Variants in APC observed in about 807,000 individuals in gnomAD.
APC encodes the protein adenomatous polyposis coli protein.
Under a neutral mutation model 247.0 loss-of-function variants are expected in APC, and 72 were observed. The ratio of observed to expected loss-of-function variants is 0.29; its 90% CI spans 0.24 to 0.35. The LOEUF (loss-of-function observed/expected upper bound fraction) is 0.35, where lower values mean the gene tolerates loss of function less well. Among genes scored for constraint, APC ranks in the 10% least tolerant of loss-of-function variants. APC has a pLI of 1.00. For synonymous variants in APC, 1,254 were observed against 1,162.5 expected, an observed-to-expected ratio of 1.08 and a Z score of -1.60; for missense variants, 3,400 against 3,360.7, an observed-to-expected ratio of 1.01 and a Z score of -0.29.
chr5:112,827,962 G>A lies in APC; in HGVS notation c.1582G>A (p.Ala528Thr), dbSNP rs757157018. 6.2e-7 allele frequency: 1 copy of A among 1,613,174 alleles called. No individual in the cohort carries two copies. Among genetic ancestry groups the A allele is most frequent in the Non-Finnish European group, 8.5e-7 (1 of 1,179,928 alleles). ...ATGCTCTATGAAAGGCTGCATGAGA[G>A]CACTTGTGGCCCAACTAAAATCTGA... ...TLCSMKGCMR[A>T]LVAQLKSESE... is the part of the protein sequence containing the mutation. The change falls in exon 13 of 16, where the codon GCA (alanine) becomes ACA (threonine). Residue 528 changes from alanine to threonine, a missense_variant. Physicochemically the swap from Ala to Thr is moderately conservative, Grantham distance 58 (BLOSUM62 0). Transcript: ENST00000257430.
intron 1 of APC, among the ~76,000 whole-genome samples, chr5:112,744,472 G>T (rs1306271083): frequency 6.6e-6 from 1 of 152,140 alleles, no homozygotes; most frequent in African/African-American, 2.4e-5. Flanking sequence ...TTATGCTCCA[G>T]CTGGGAAGAC....
chr5:112,815,712 G>C, intron 9 of APC, 119 bp downstream of exon 9: 1 of 700,052 alleles, frequency 1.4e-6, no homozygotes, highest in Non-Finnish European at 2.4e-6. Flanking sequence ...AAGGCAGGTG[G>C]ATCACTTGAG....
At chr5:112,811,239 A>G (rs1347759249) in intron 8 of APC, among the ~76,000 whole-genome samples, 2 of 152,234 alleles carry the variant, frequency 1.3e-5, no homozygotes, top group African/African-American at 4.8e-5. Flanking sequence ...GAGTGCTTCT[A>G]TCTTTGGACA....
rs1762393288 is a variant in APC at position 112,815,405 on chromosome 5, C to G, written c.835-90C>G. ...ATGATGTATTTAATTGTTTATCATA[C>G]AGACACTTCATTTGGAGTACCTTAA... On this transcript the variant is annotated intron_variant, in intron 8 of 15. Coordinates refer to ENST00000257430, the MANE Select transcript of APC (RefSeq NM_000038.6). 3 of 904,802 alleles carry G rather than the reference C, an allele frequency of 3.3e-6. No homozygotes were observed. The East Asian group carries it at 7.9e-5, about 24-fold the overall frequency. The allele number at this position is 904,802 out of a possible 1,614,324, so 56.0% of individuals were successfully genotyped here. A position where few individuals can be genotyped will look rare whatever the true frequency, so the allele number is the denominator to read the frequency against.
chr5:112,726,856 A>G (rs1751810379), intron 1 of APC, among the ~76,000 whole-genome samples: 2 of 152,202 alleles, frequency 1.3e-5, no homozygotes, highest in South Asian at 4.1e-4. Context: ...GTAAATATGA[A>G]GTTTCAGTTT....
At chr5:112,757,675 C>G (rs538268209) in intron 2 of APC, among the ~76,000 whole-genome samples, 1 of 152,202 alleles carries the variant, frequency 6.6e-6, no homozygotes, top group Non-Finnish European at 1.5e-5. Context: ...AGAGCCAGAC[C>G]TGGTCTGTCT....
At chr5:112,729,718 C>G (rs890664535) in intron 1 of APC, among the ~76,000 whole-genome samples, 1 of 152,206 alleles carries the variant, frequency 6.6e-6, no homozygotes, top group African/African-American at 2.4e-5. Flanking sequence ...GGTCAGCTAA[C>G]TAATAAACTT....
rs774229223 is a variant in APC, at chr5:112,767,249, G to A, written c.281G>A (p.Arg94His). 6.2e-6 allele frequency: 10 copies of A among 1,613,966 alleles called. No homozygotes were observed. Among genetic ancestry groups the A allele is most frequent in the East Asian group, 2.2e-5 (1 of 44,886 alleles). The part of the protein sequence containing the change: ...GVKLRSKMSL[R>H]SYGSREGSVS... ...AAACTGCGGTCAAAAATGTCCCTCC[G>A]TTCTTATGGAAGCCGGGAAGGATCT... Residue 94 changes from arginine (R) to histidine (H), a missense_variant, in exon 4 of 16, where the codon CGT (arginine) becomes CAT (histidine). By Grantham distance (29) the Arg-to-His change is conservative (BLOSUM62 0). This residue lies in a region of APC where 372 missense variants were observed against 367.6 expected (regional missense o/e 1.01). Transcript: ENST00000257430.
rs376830465 is a variant in APC at position 112,726,413 on chromosome 5, C to T, written c.165+18531C>T. 1.3e-4 allele frequency among the ~76,000 whole-genome samples: 20 copies of T among 152,322 alleles called. No homozygotes were observed. In the East Asian group the frequency reaches 3.3e-3, roughly 25 times the overall value. ...GGCTATCCAGTAGGCAATTTCCTCT[C>T]TGACCATCCCCAGCCAAACTCCTCT... is the stretch of plus-strand genomic sequence containing the variant. On this transcript the variant is annotated intron_variant, in intron 1 of 13. Transcript: ENST00000507379.
chr5:112,818,844 TG>T, intron 9 of APC, 121 bp from the exon 10 acceptor site: 23 of 842,598 alleles, frequency 2.7e-5, no homozygotes, highest in African/African-American at 8.6e-5. Context: ...GTTTTTTTTT[TG>T]GCGGGGGGGG....
intron 1 of APC, among the ~76,000 whole-genome samples, chr5:112,741,264 C>A (rs188996022): frequency 7.9e-5 from 12 of 152,284 alleles, no homozygotes; most frequent in African/African-American, 2.9e-4. Flanking sequence ...TTTATATAAT[C>A]TAAGATATCC....
At chr5:112,739,279 ATACT>A (rs1752701667) in intron 1 of APC, among the ~76,000 whole-genome samples, 1 of 152,030 alleles carries the variant, frequency 6.6e-6, no homozygotes. Context: ...ATCTTTATGC[ATACT>A]TATAGTAGCC....
upstream of APC, among the ~76,000 whole-genome samples, chr5:112,736,260 A>C (rs908329285): frequency 2.0e-5 from 3 of 152,240 alleles, no homozygotes; most frequent in Non-Finnish European, 2.9e-5. Flanking sequence ...ATTTATTTCA[A>C]ATATGAAGGG....
Position 112,707,605 on chromosome 5 carries a change from A to C in APC, c.-113A>C, listed in dbSNP as rs1052992527. On this transcript the variant is annotated 5_prime_UTR_variant, in exon 1 of 14. Coordinates refer to the APC transcript ENST00000507379. ...CTGCTCGGGGGGGACCTGCGGGCTCAGGCCCGGGAGCTGCGGACCGAGGTT... is the reference window on the plus strand; with the variant it reads ...CTGCTCGGGGGGGACCTGCGGGCTCCGGCCCGGGAGCTGCGGACCGAGGTT... The C allele has an allele frequency of 2.6e-6, 3 of 1,167,536 alleles. No homozygotes were observed. Among genetic ancestry groups the C allele is most frequent in the South Asian group, 2.7e-5 (2 of 73,300 alleles). The allele number at this position is 1,167,536 out of a possible 1,614,324, so 72.3% of individuals were successfully genotyped here.
At position 112,840,474 on chromosome 5, in the gene APC, A is replaced by C. The variant is rs2149926338; in HGVS notation, c.4880A>C (p.Gln1627Pro). 2 of 1,614,154 alleles carry C rather than the reference A, an allele frequency of 1.2e-6. No individual in the cohort carries two copies. Among genetic ancestry groups the C allele is most frequent in the Non-Finnish European group, 1.7e-6 (2 of 1,180,006 alleles). The stretch of plus-strand genomic sequence containing the variant: ...CCATCACAAAACAGGTTGCAACCCC[A>C]AAAGCATGTTAGTTTTACACCGGGG... ...LLPSQNRLQP[Q>P]KHVSFTPGDD... The change falls in exon 16 of 16, where the codon CAA becomes CCA. Residue 1627 changes from glutamine to proline, a missense_variant. By Grantham distance (76) the Gln-to-Pro change is moderately conservative (BLOSUM62 -1). This residue lies in a region of APC where 1,788 missense variants were observed against 1,649.5 expected (regional missense o/e 1.08). Coordinates refer to ENST00000257430, the MANE Select transcript of APC (RefSeq NM_000038.6). This position sits in a 1 kb window ranked among gnomAD's most constrained non-coding sequence, Gnocchi z 4.1.
At position 112,814,835 on chromosome 5, in the gene APC, C is replaced by A. The variant is rs535180250; in HGVS notation, c.835-660C>A. Among the ~76,000 whole-genome samples the A allele has an allele frequency of 2.0e-5, 3 of 152,216 alleles. No homozygotes were observed. The South Asian group carries it at 6.2e-4, about 31-fold the overall frequency. On this transcript the variant is annotated intron_variant, in intron 8 of 15. Transcript: ENST00000257430. ...GTCCACATTACATTGGAACACTCCA[C>A]GCTCTCCGTATTTGTACCTTTGCAC...
At chr5:112,738,579 T>G (rs1379937438) in intron 1 of APC, 1 of 810,818 alleles carries the variant, frequency 1.2e-6, no homozygotes, top group Non-Finnish European at 1.5e-6. Context: ...CAGATACCAG[T>G]GTCTTTGTTA....
chr5:112,737,599 T>G (rs1231870692), upstream of APC, among the ~76,000 whole-genome samples: 7 of 152,214 alleles, frequency 4.6e-5, no homozygotes, highest in Non-Finnish European at 7.4e-5. Context: ...CCCCGACTCT[T>G]TACTATGCGT....
chr5:112,735,990 G>T (rs949108317), upstream of APC, among the ~76,000 whole-genome samples: 9 of 152,172 alleles, frequency 5.9e-5, no homozygotes, highest in African/African-American at 2.2e-4. Context: ...GCTTACAATT[G>T]TGTCTTAGGG....
Sources: gnomAD v4.1 joint callset for allele counts (sites outside exome capture counted in the v4.1 genomes callset) on GRCh38, gnomAD v4.1.1 for gene constraint, gnomAD v4.1.1 regional missense constraint, Gnocchi (gnomAD v3.1) non-coding constraint, MANE v1.5 for transcripts, NCBI Gene and HGNC (gene_info 2026-07-23, HGNC 2026-07-21) for gene names.